Variants in PCDHGA2 observed in about 807,000 individuals in gnomAD.
PCDHGA2 encodes protocadherin gamma subfamily A, 2, also known as protocadherin gamma-A2.
In PCDHGA2, 40 loss-of-function variants were observed where a neutral mutation model predicts 59.2. That is an observed-to-expected ratio of 0.68 (90% CI 0.52 to 0.88). The LOEUF (loss-of-function observed/expected upper bound fraction) is 0.88, where lower values mean the gene tolerates loss of function less well. PCDHGA2 is among the 40% of genes least tolerant of loss of function. The pLI is 0.00. For missense variants in PCDHGA2, 1,226 were observed against 1,204.0 expected (o/e 1.02, Z -0.27); for synonymous variants, 560 against 526.0 (o/e 1.06, Z -0.89).
intron 1 of PCDHGA2, chr5:141,402,861 A>G (rs2094315270): frequency 7.0e-7 from 1 of 1,430,150 alleles, no homozygotes; most frequent in Non-Finnish European, 9.2e-7. Context: ...CTTCTAAGGA[A>G]AAGATCACCA....
rs775705715 is a variant in PCDHGA2 at position 141,422,475 on chromosome 5, C to T, written c.2425-72332C>T. ...GCAGAGTGCTGGACAGGGAGTTGGT[C>T]CAGAGCTACAATATAACGTTGACAG... On this transcript the variant is annotated intron_variant, in intron 1 of 3. Coordinates refer to ENST00000394576, the MANE Select transcript of PCDHGA2 (RefSeq NM_018915.4). The T allele has an allele frequency of 7.4e-6, 12 of 1,613,672 alleles. No individual in the cohort carries two copies. The East Asian group carries it at 2.0e-4, about 27-fold the overall frequency.
rs1445356223 is a variant in PCDHGA2, at chr5:141,490,414, G to T, written c.2425-4393G>T. On this transcript the variant is annotated intron_variant, in intron 1 of 3. Transcript: ENST00000394576. This position sits in a 1 kb window ranked among gnomAD's most constrained non-coding sequence, Gnocchi z 5.4. ...TGAAGTGAGCCTTGATATCTCTCCGGACCTGCCATTTCAGATTAAGCCTTC... is the reference window on the plus strand; with the variant it reads ...TGAAGTGAGCCTTGATATCTCTCCGTACCTGCCATTTCAGATTAAGCCTTC... The T allele has an allele frequency of 1.2e-6, 2 of 1,614,138 alleles. No homozygotes were observed. The highest frequency in any genetic ancestry group is 1.7e-6 in the Non-Finnish European group (2 of 1,180,024).
intron 1 of PCDHGA2, among the ~76,000 whole-genome samples, chr5:141,429,602 C>T (rs548994907): frequency 1.1e-4 from 16 of 152,218 alleles, no homozygotes; most frequent in African/African-American, 3.6e-4. Flanking sequence ...TTCAAGTAAA[C>T]TCAATTTTAT....
Position 141,490,972 on chromosome 5 carries a change from C to G in PCDHGA2, c.2425-3835C>G. 6.2e-7 allele frequency: 1 copy of G among 1,613,912 alleles called. No homozygotes were observed. Among genetic ancestry groups the G allele is most frequent in the Non-Finnish European group, 8.5e-7 (1 of 1,179,922 alleles). Reference sequence around the variant, plus strand: ...AGACTGGGAACACTCAGCCCCCCAGCGTCTCCCTCGCTCTGCTCCTCCTGG... The same window carrying G: ...AGACTGGGAACACTCAGCCCCCCAGGGTCTCCCTCGCTCTGCTCCTCCTGG... On this transcript the variant is annotated intron_variant, in intron 1 of 3. Coordinates refer to ENST00000394576, the MANE Select transcript of PCDHGA2 (RefSeq NM_018915.4). The surrounding 1 kb of genome is among the most constrained non-coding windows in gnomAD (Gnocchi z 5.4).
intron 1 of PCDHGA2, chr5:141,420,181 T>C (rs1590216182): frequency 6.2e-7 from 1 of 1,613,998 alleles, no homozygotes; most frequent in Non-Finnish European, 8.5e-7. Context: ...TTGATCATTG[T>C]CCAGCCACAC....
rs144490159 is a variant in PCDHGA2, at chr5:141,418,260, G to A, written c.2425-76547G>A. The A allele has an allele frequency of 5.0e-3, 7,995 of 1,614,000 alleles. 44 individuals carry two copies. Among genetic ancestry groups the A allele is most frequent in the Admixed American group, 9.4e-3 (566 of 60,026 alleles). ...GTTAATGACCACGCCCCTCAATTCCGGAAAGATGAAATAAACTTAGAAATC... is the reference window on the plus strand; with the variant it reads ...GTTAATGACCACGCCCCTCAATTCCAGAAAGATGAAATAAACTTAGAAATC... On this transcript the variant is annotated intron_variant, in intron 1 of 3. Coordinates refer to ENST00000394576, the MANE Select transcript of PCDHGA2 (RefSeq NM_018915.4).
intron 1 of PCDHGA2, chr5:141,355,229 A>G: frequency 1.9e-6 from 3 of 1,611,306 alleles, no homozygotes; most frequent in Non-Finnish European, 2.5e-6. Flanking sequence ...CGCCCAGACC[A>G]CACCCGGCTG....
chr5:141,423,680 C>T (rs2096766182), intron 1 of PCDHGA2: 1 of 1,479,088 alleles, frequency 6.8e-7, no homozygotes, highest in African/African-American at 1.5e-5. Context: ...ATTTCTCTGC[C>T]TCCTAATTGT....
chr5:141,499,881 T>A (rs2099795027), intron 2 of PCDHGA2, among the ~76,000 whole-genome samples: 1 of 152,082 alleles, frequency 6.6e-6, no homozygotes, highest in African/African-American at 2.4e-5. Flanking sequence ...ACAAACAGGG[T>A]TTCGCCATGT....
In PCDHGA2 at chr5:141,451,935, A is replaced by G. The variant is rs148815534; in HGVS notation, c.2425-42872A>G. Among the ~76,000 whole-genome samples, 120 of 152,282 alleles carry G rather than the reference A, an allele frequency of 7.9e-4. 5 individuals carry two copies. The East Asian group carries it at 0.017, about 21-fold the overall frequency. ...GAGGAAGGAAGGGAGGTAGGGAGGC[A>G]GGGAAAGACCGAGAAAGTGACATAC... On this transcript the variant is annotated intron_variant, in intron 1 of 3. Coordinates refer to ENST00000394576, the MANE Select transcript of PCDHGA2 (RefSeq NM_018915.4).
rs1442570663 is a variant in PCDHGA2, at chr5:141,438,613, TATATATATATATATATATATATACACAC to T, written c.2425-56192_2425-56165del. On this transcript the variant is annotated intron_variant, in intron 1 of 3. Transcript: ENST00000394576. Reference sequence around the variant, plus strand: ...ATACATATATATATATATATATATATATATATATATATATATATATATACACACACACACACACATATATGTATATATA... The same window carrying T: ...ATACATATATATATATATATATATATACACACACACATATATGTATATATA... Among the ~76,000 whole-genome samples, 243 of 36,492 alleles carry T rather than the reference TATATATATATATATATATATATACACAC, an allele frequency of 6.7e-3. 7 individuals are homozygous for T. The highest frequency in any genetic ancestry group is 0.033 in the East Asian group (37 of 1,124). The allele number at this position is 36,492 out of a possible 152,430, so 23.9% of individuals were successfully genotyped here.
chr5:141,383,324 T>C (rs750393068), intron 1 of PCDHGA2: 2 of 1,613,904 alleles, frequency 1.2e-6, no homozygotes, highest in African/African-American at 1.3e-5. Flanking sequence ...AATGTAAAAA[T>C]AATGGAGAAT....
chr5:141,455,477 C>A (rs557286491), intron 1 of PCDHGA2, among the ~76,000 whole-genome samples: 15 of 152,252 alleles, frequency 9.9e-5, no homozygotes, highest in African/African-American at 2.9e-4. Flanking sequence ...TATGCAGAGG[C>A]TGGTGGAGGT....
At chr5:141,392,721 G>A (rs1169584002) in intron 1 of PCDHGA2, 25 of 1,390,348 alleles carry the variant, frequency 1.8e-5, no homozygotes, top group South Asian at 3.2e-5. Context: ...CAGGTTTCCG[G>A]AGGATTGTCA....
intron 1 of PCDHGA2, among the ~76,000 whole-genome samples, chr5:141,380,809 T>G (rs1475702152): frequency 6.6e-6 from 1 of 152,192 alleles, no homozygotes; most frequent in Non-Finnish European, 1.5e-5. Flanking sequence ...AAATGTGAGA[T>G]GAAACTATGA....
intron 1 of PCDHGA2, chr5:141,414,917 T>A: frequency 6.2e-7 from 1 of 1,614,148 alleles, no homozygotes; most frequent in Non-Finnish European, 8.5e-7. Context: ...GGCGTGGAGC[T>A]GGCGCCCCGC....
rs779396961 is a variant in PCDHGA2, at chr5:141,341,348, G to A, written c.2377G>A (p.Ala793Thr). 3.7e-6 allele frequency: 6 copies of A among 1,614,232 alleles called. No homozygotes were observed. The highest frequency in any genetic ancestry group is 4.2e-6 in the Non-Finnish European group (5 of 1,180,044). Residue 793 changes from alanine to threonine, a missense_variant, in exon 1 of 4, where the codon GCG becomes ACG. Physicochemically the swap from Ala to Thr is moderately conservative, Grantham distance 58. Transcript: ENST00000394576. The part of the protein sequence containing the change: ...ESCEKKDFLS[A>T]PQSLLEEERE... ...CTGTGAGAAAAAGGATTTTTTATCA[G>A]CGCCTCAATCTCTACTCGAAGAAGA...
intron 1 of PCDHGA2, chr5:141,383,333 A>G: frequency 6.2e-7 from 1 of 1,614,006 alleles, no homozygotes; most frequent in South Asian, 1.1e-5. Context: ...ATAATGGAGA[A>G]TACAGCTCCT....
chr5:141,360,213 CG>C, intron 1 of PCDHGA2: 1 of 1,613,128 alleles, frequency 6.2e-7, no homozygotes, highest in Non-Finnish European at 8.5e-7. Flanking sequence ...CTTTGTTCCC[CG>C]GGGCTCTCCC....
Sources: gnomAD v4.1 joint callset for allele counts (sites outside exome capture counted in the v4.1 genomes callset) on GRCh38, gnomAD v4.1.1 for gene constraint, Gnocchi (gnomAD v3.1) non-coding constraint, MANE v1.5 for transcripts, NCBI Gene and HGNC (gene_info 2026-07-23, HGNC 2026-07-21) for gene names.